The following SEZ6 variants were observed in gnomAD, a reference collection of about 807,000 sequenced individuals.
SEZ6 encodes the protein seizure related 6 homolog, also known as seizure protein 6 homolog.
A neutral mutation model predicts 101.0 loss-of-function variants in SEZ6; 53 were observed. The observed-to-expected ratio is 0.52, with a 90% CI of 0.42 to 0.66. The LOEUF (loss-of-function observed/expected upper bound fraction) is 0.66, where lower values mean the gene tolerates loss of function less well. SEZ6 is among the 30% of genes least tolerant of loss of function. The pLI is 0.00. For missense variants in SEZ6, 1,102 were observed against 1,289.4 expected (o/e 0.85, Z 2.23); for synonymous variants, 488 against 512.2 (o/e 0.95, Z 0.64).
intron 4 of SEZ6, among the ~76,000 whole-genome samples, chr17:28,968,737 G>A (rs1023219532): frequency 1.3e-4 from 20 of 152,160 alleles, no homozygotes; most frequent in African/African-American, 4.3e-4. Flanking sequence ...TCTTCTGCCC[G>A]GCTGTGGTCC....
chr17:28,960,381 C>T, intron 7 of SEZ6, 124 bp downstream of exon 7: 1 of 1,296,376 alleles, frequency 7.7e-7, no homozygotes, highest in Non-Finnish European at 1.1e-6. Context: ...ACTGAGTGAG[C>T]AGGGGCTGAC....
At chr17:28,998,481 T>C (rs1227871896) in intron 1 of SEZ6, among the ~76,000 whole-genome samples, 1 of 151,896 alleles carries the variant, frequency 6.6e-6, no homozygotes, top group Non-Finnish European at 1.5e-5. Flanking sequence ...CTGCAGCACA[T>C]GCGATTTGGT....
chr17:28,968,923 A>C (rs2152686080), intron 4 of SEZ6, among the ~76,000 whole-genome samples: 1 of 152,366 alleles, frequency 6.6e-6, no homozygotes, highest in Middle Eastern at 3.4e-3. Context: ...AGACAGCGGC[A>C]AAGTCCTGAG....
At chr17:28,958,934 T>C in intron 10 of SEZ6, 91 bp downstream of exon 10, 1 of 1,381,376 alleles carries the variant, frequency 7.2e-7, no homozygotes, top group Non-Finnish European at 9.8e-7. Flanking sequence ...TACTCTTGTC[T>C]GAGACAGCAT....
At chr17:28,962,554 G>A (rs1249736140) in intron 5 of SEZ6, among the ~76,000 whole-genome samples, 1 of 152,090 alleles carries the variant, frequency 6.6e-6, no homozygotes, top group African/African-American at 2.4e-5. Flanking sequence ...CGAGGCAGGT[G>A]GATCACCTGA....
At chr17:28,970,797 A>G (rs1390247515) in intron 3 of SEZ6, among the ~76,000 whole-genome samples, 1 of 152,206 alleles carries the variant, frequency 6.6e-6, no homozygotes, top group Non-Finnish European at 1.5e-5. Flanking sequence ...CTCCCCATTG[A>G]GTCTGTGAAG....
chr17:28,979,880 CGTGTGTGTGTGTGT>C lies in SEZ6; in HGVS notation c.725-81_725-68del, dbSNP rs3052131. ...TGAAGTGGTCCAACTAAGGCTGAAC[CGTGTGTGTGTGTGT>C]GTGTGTGTGTGTGTGTGTGTGTGTG... On this transcript the variant is annotated intron_variant, in intron 2 of 16. Coordinates refer to ENST00000317338, the MANE Select transcript of SEZ6 (RefSeq NM_178860.5). 1.3e-3 allele frequency: 1,094 copies of C among 857,756 alleles called. 3 individuals are homozygous for C. The highest frequency in any genetic ancestry group is 7.7e-3 in the East Asian group (245 of 31,682). 53.1% of individuals were successfully genotyped at this position (857,756 alleles called of 1,614,324 possible). A position where few individuals can be genotyped will look rare whatever the true frequency, so the allele number is the denominator to read the frequency against.
In SEZ6 at chr17:29,005,751, C is replaced by T; in HGVS notation, c.55+64G>A. On this transcript the variant is annotated intron_variant, in intron 1 of 16. Coordinates refer to ENST00000317338, the MANE Select transcript of SEZ6 (RefSeq NM_178860.5). This position sits in a 1 kb window ranked among gnomAD's most constrained non-coding sequence, Gnocchi z 4.8. ...ATGCCCGAAGCTGGGCACCGGGTCT[C>T]CCTTCCCACCCCTGGGGCCCCGCTC... The T allele has an allele frequency of 6.9e-7, 1 of 1,441,790 alleles. No individual in the cohort carries two copies. The highest frequency in any genetic ancestry group is 9.2e-7 in the Non-Finnish European group (1 of 1,088,866). The allele number at this position is 1,441,790 out of a possible 1,614,324, so 89.3% of individuals were successfully genotyped here.
At chr17:28,990,167 G>A (rs1249648215) in intron 1 of SEZ6, among the ~76,000 whole-genome samples, 1 of 152,210 alleles carries the variant, frequency 6.6e-6, no homozygotes, top group Non-Finnish European at 1.5e-5. Flanking sequence ...ATAGTTAGCA[G>A]CCGTTATTCT....
rs200459778 is a variant in SEZ6, at chr17:28,963,971, C to T, written c.1231G>A (p.Val411Ile). 965 of 1,611,058 alleles carry T rather than the reference C, an allele frequency of 6.0e-4. 5 individuals carry two copies. The African/African-American group carries it at 0.01, about 17-fold the overall frequency. Residue 411 changes from valine (V) to isoleucine (I), a missense_variant, in exon 5 of 17, where the codon GTC (valine) becomes ATC (isoleucine). By Grantham distance (29) the Val-to-Ile change is conservative. This residue lies in a region of SEZ6 where 556 missense variants were observed against 735.1 expected (regional missense o/e 0.76). Coordinates refer to ENST00000317338, the MANE Select transcript of SEZ6 (RefSeq NM_178860.5). ...TCCCCTGGGCACTCACCGATGCAGACGGGCTCCTTTGAATCCCAGAAGGGC... is the reference window on the plus strand; with the variant it reads ...TCCCCTGGGCACTCACCGATGCAGATGGGCTCCTTTGAATCCCAGAAGGGC... ...TQPFWDSKEP[V>I]CIAACGGVIR...
chr17:28,965,705 A>G (rs542129127), intron 4 of SEZ6, among the ~76,000 whole-genome samples: 51 of 152,296 alleles, frequency 3.3e-4, no homozygotes, highest in Admixed American at 2.7e-3. Flanking sequence ...CACTGCCTTC[A>G]TGGAAGTTGG....
Position 28,955,107 on chromosome 17 carries a change from G to A in SEZ6, c.*855C>T, listed in dbSNP as rs1471540914. On this transcript the variant is annotated 3_prime_UTR_variant, in exon 17 of 17. Coordinates refer to ENST00000317338, the MANE Select transcript of SEZ6 (RefSeq NM_178860.5). ...CAAATTCCTGGGTCCTTGGACCTCT[G>A]CTCCTCTCCAGAATATGCCCACCCC... 6.5e-6 allele frequency: 1 copy of A among 154,868 alleles called. No individual in the cohort carries two copies. The highest frequency in any genetic ancestry group is 1.4e-5 in the Non-Finnish European group (1 of 69,712). 9.6% of individuals were successfully genotyped at this position (154,868 alleles called of 1,614,324 possible).
intron 5 of SEZ6, 61 bp downstream of exon 5, chr17:28,963,901 A>C: frequency 6.5e-7 from 1 of 1,545,108 alleles, no homozygotes; most frequent in Non-Finnish European, 8.8e-7. Flanking sequence ...AACAGAGAGC[A>C]GGGATGAGCC....
chr17:28,966,164 T>A (rs1567986778), intron 4 of SEZ6, among the ~76,000 whole-genome samples: 1 of 131,454 alleles, frequency 7.6e-6, no homozygotes. Flanking sequence ...AATAAATAAA[T>A]AAAATAAAAT....
intron 5 of SEZ6, among the ~76,000 whole-genome samples, chr17:28,963,220 A>G (rs2041013519): frequency 6.6e-6 from 1 of 151,974 alleles, no homozygotes. Context: ...CATTGGCAGC[A>G]ATCCCAGACC....
At chr17:28,956,508 C>A in intron 14 of SEZ6, 41 bp from the exon 15 acceptor site, 1 of 1,532,898 alleles carries the variant, frequency 6.5e-7, no homozygotes, top group South Asian at 1.2e-5. Flanking sequence ...AGGTCTCTGT[C>A]ACCTGGAGCC....
chr17:28,964,924 C>T (rs182413554), intron 4 of SEZ6, among the ~76,000 whole-genome samples: 75 of 151,726 alleles, frequency 4.9e-4, no homozygotes, highest in Middle Eastern at 3.4e-3. Flanking sequence ...GGCATGGTGG[C>T]GCATGCCTGT....
At chr17:28,960,027 C>A in intron 7 of SEZ6, 135 bp from the exon 8 acceptor site, 1 of 1,003,098 alleles carries the variant, frequency 1.0e-6, no homozygotes, top group Non-Finnish European at 1.4e-6. Flanking sequence ...GGGGTTGGAG[C>A]AGGAATGTGA....
intron 1 of SEZ6, among the ~76,000 whole-genome samples, chr17:28,990,610 A>T (rs1671855721): frequency 1.3e-5 from 2 of 151,706 alleles, no homozygotes; most frequent in African/African-American, 4.8e-5. Flanking sequence ...CTGGCTCAAG[A>T]CTCATGACTC....
Sources: allele counts gnomAD v4.1 joint callset (sites outside exome capture counted in the v4.1 genomes callset), GRCh38; gene constraint gnomAD v4.1.1; regional missense constraint gnomAD v4.1.1; non-coding constraint Gnocchi (gnomAD v3.1); transcripts MANE v1.5; gene names NCBI Gene and HGNC (gene_info 2026-07-23, HGNC 2026-07-21).